PPP1R37: variants seen among roughly 807,000 people sequenced by gnomAD.
The protein encoded by PPP1R37 is protein phosphatase 1 regulatory subunit 37, also known as leucine rich repeat containing 68.
PPP1R37 carries 21 observed loss-of-function variants against 61.0 expected under a neutral mutation model. That is an observed-to-expected ratio of 0.34 (90% CI 0.24 to 0.50). The LOEUF is 0.50. Ranked by LOEUF, PPP1R37 falls within the 20% of genes least tolerant of loss-of-function variation. The pLI is 0.98. For synonymous variants in PPP1R37, 443 were observed against 433.5 expected, an observed-to-expected ratio of 1.02 and a Z score of -0.27; for missense variants, 910 against 952.7, an observed-to-expected ratio of 0.96 and a Z score of 0.59.
rs367764623 is a variant in PPP1R37 at position 45,123,315 on chromosome 19, G to A, written c.203-15199G>A. 8.5e-5 allele frequency among the ~76,000 whole-genome samples: 13 copies of A among 152,318 alleles called. No homozygotes were observed. In the East Asian group the frequency reaches 1.7e-3, roughly 20 times the overall value. ...CGCCCAGCACTGGCACCTGTGAAGGGCCTCTGGAGGCTGGGTCTTCCTGCA... is the reference window on the plus strand; with the variant it reads ...CGCCCAGCACTGGCACCTGTGAAGGACCTCTGGAGGCTGGGTCTTCCTGCA... On this transcript the variant is annotated intron_variant, in intron 1 of 12. Transcript: ENST00000221462.
At chr19:45,126,816 G>A (rs1968410686) in intron 1 of PPP1R37, among the ~76,000 whole-genome samples, 1 of 152,102 alleles carries the variant, frequency 6.6e-6, no homozygotes, top group Non-Finnish European at 1.5e-5. Context: ...CAGTGACCAG[G>A]TCCTATCGAT....
chr19:45,125,246 T>G (rs191717218), intron 1 of PPP1R37, among the ~76,000 whole-genome samples: 84 of 152,100 alleles, frequency 5.5e-4, no homozygotes, highest in Admixed American at 3.7e-3. Context: ...GGGCGGATCA[T>G]TAGGTCAAGA....
chr19:45,138,905 C>CTTTTTTTTTTT lies in PPP1R37; in HGVS notation c.300+309_300+319dup, dbSNP rs34081163. 5.3e-4 allele frequency among the ~76,000 whole-genome samples: 39 copies of CTTTTTTTTTTT among 73,054 alleles called. 3 individuals carry two copies. The highest frequency in any genetic ancestry group is 1.9e-3 in the African/African-American group (35 of 18,686). 47.9% of individuals were successfully genotyped at this position (73,054 alleles called of 152,430 possible). On this transcript the variant is annotated intron_variant, in intron 2 of 12. Transcript: ENST00000221462. ...GTCTGAATTACAAAATTTATGTATT[C>CTTTTTTTTTTT]TTTTTTTTTTTTTTTTTTTTTTTTT... is the stretch of plus-strand genomic sequence containing the variant.
chr19:45,147,005 C>A lies in PPP1R37; in HGVS notation c.*443C>A. On this transcript the variant is annotated 3_prime_UTR_variant, in exon 13 of 13. Transcript: ENST00000221462. ...TGGTGGTTGAGATGCACAGAACAGC[C>A]CCAGACAGCGCAGGCCGGGCAGGGT... 1 of 157,738 alleles carries A rather than the reference C, an allele frequency of 6.3e-6. No homozygotes were observed. Among genetic ancestry groups the A allele is most frequent in the Non-Finnish European group, 1.4e-5 (1 of 71,512 alleles). The allele number at this position is 157,738 out of a possible 1,614,324, so 9.8% of individuals were successfully genotyped here.
chr19:45,138,986 T>C (rs1002261705), intron 2 of PPP1R37, among the ~76,000 whole-genome samples: 1 of 139,680 alleles, frequency 7.2e-6, no homozygotes, highest in African/African-American at 2.7e-5. Flanking sequence ...CCATTTCGGC[T>C]CACTGCAACC....
At chr19:45,099,405 A>C (rs115703802) in intron 1 of PPP1R37, among the ~76,000 whole-genome samples, 1,549 of 152,354 alleles carry the variant, frequency 0.01, 22 homozygotes, top group African/African-American at 0.035. Context: ...TGGCCATGTT[A>C]GTTCCAGCTT....
rs145710178 is a variant in PPP1R37 at position 45,137,782 on chromosome 19, C to T, written c.203-732C>T. On this transcript the variant is annotated intron_variant, in intron 1 of 12. Transcript: ENST00000221462. Reference sequence around the variant, plus strand: ...AGGTTGTTTCTCTGAGCTTGGTTTCCTCATAGGGTTGAAGTGAGGATTCAT... The same window carrying T: ...AGGTTGTTTCTCTGAGCTTGGTTTCTTCATAGGGTTGAAGTGAGGATTCAT... Among the ~76,000 whole-genome samples, 7 of 151,392 alleles carry T rather than the reference C, an allele frequency of 4.6e-5. No individual in the cohort carries two copies. In the East Asian group the frequency reaches 1.4e-3, roughly 29 times the overall value.
intron 7 of PPP1R37, chr19:45,143,312 C>T: frequency 1.9e-6 from 1 of 520,360 alleles, no homozygotes; most frequent in Non-Finnish European, 3.5e-6. Flanking sequence ...TCAGAAGCAT[C>T]TGGTGGAGGC....
At chr19:45,137,049 C>G (rs1016000820) in intron 1 of PPP1R37, 9 of 152,224 alleles carry the variant, frequency 5.9e-5, no homozygotes, top group African/African-American at 2.2e-4. Flanking sequence ...AGGGGCCCCC[C>G]CCCCAAGAAG....
intron 1 of PPP1R37, 76 bp from the exon 2 acceptor site, chr19:45,138,438 A>AG: frequency 9.6e-7 from 1 of 1,046,050 alleles, no homozygotes; most frequent in Non-Finnish European, 1.4e-6. Context: ...CAGAGGCCTT[A>AG]GGGCGGGAGT....
intron 1 of PPP1R37, among the ~76,000 whole-genome samples, chr19:45,093,861 GAGA>G (rs1288495143): frequency 6.6e-6 from 1 of 152,218 alleles, no homozygotes; most frequent in Non-Finnish European, 1.5e-5. Context: ...CAGAGAAGGA[GAGA>G]AGGAGCAGTT....
chr19:45,146,685 C>A lies in PPP1R37; in HGVS notation c.*123C>A, dbSNP rs957333534. ...GCCAGGGGTGGGGGCCATTCTGGGGCCCCCCTCCCCCCACAGCAACACTAC... is the reference window on the plus strand; with the variant it reads ...GCCAGGGGTGGGGGCCATTCTGGGGACCCCCTCCCCCCACAGCAACACTAC... On this transcript the variant is annotated 3_prime_UTR_variant, in exon 13 of 13. Transcript: ENST00000221462. 12 of 527,078 alleles carry A rather than the reference C, an allele frequency of 2.3e-5. No homozygotes were observed. The highest frequency in any genetic ancestry group is 4.1e-5 in the Non-Finnish European group (12 of 290,234). The allele number at this position is 527,078 out of a possible 1,614,324, so 32.7% of individuals were successfully genotyped here.
intron 1 of PPP1R37, among the ~76,000 whole-genome samples, chr19:45,128,018 A>G (rs1471527388): frequency 1.3e-5 from 2 of 152,088 alleles, no homozygotes; most frequent in Non-Finnish European, 2.9e-5. Flanking sequence ...GTGATATGCT[A>G]ATTACCCTGA....
intron 1 of PPP1R37, chr19:45,128,502 G>A: frequency 2.1e-6 from 2 of 951,984 alleles, no homozygotes; most frequent in Non-Finnish European, 3.1e-6. Flanking sequence ...GCAGCGGTTG[G>A]GTTTGCAGCG....
chr19:45,099,891 C>G (rs1200928928), intron 1 of PPP1R37, among the ~76,000 whole-genome samples: 1 of 152,246 alleles, frequency 6.6e-6, no homozygotes, highest in African/African-American at 2.4e-5. Context: ...GGCTTTAGCA[C>G]CCATTCTGAC....
chr19:45,098,757 A>G (rs1372205942), intron 1 of PPP1R37, among the ~76,000 whole-genome samples: 4 of 152,164 alleles, frequency 2.6e-5, no homozygotes, highest in African/African-American at 9.7e-5. Flanking sequence ...GTAGACATGC[A>G]TCTGTCAGTG....
At chr19:45,114,175 T>C (rs1012686582) in intron 1 of PPP1R37, among the ~76,000 whole-genome samples, 1 of 152,226 alleles carries the variant, frequency 6.6e-6, no homozygotes, top group Non-Finnish European at 1.5e-5. Flanking sequence ...TCGAGAGCCA[T>C]TGCCTGTGTC....
intron 1 of PPP1R37, among the ~76,000 whole-genome samples, chr19:45,124,134 G>A (rs1037632092): frequency 3.9e-5 from 6 of 152,216 alleles, no homozygotes; most frequent in African/African-American, 1.4e-4. Context: ...GTCTCCAGAT[G>A]GTGACAACTC....
Position 45,145,714 on chromosome 19 carries a change from C to G in PPP1R37, c.1658C>G (p.Thr553Ser). 6.5e-7 allele frequency: 1 copy of G among 1,534,144 alleles called. No individual in the cohort carries two copies. The highest frequency in any genetic ancestry group is 1.4e-5 in the African/African-American group (1 of 73,090). Reference sequence around the variant, plus strand: ...CCCCCAGGCAGCCCCTCCACACCCACCGAGCAGCGGATTTCCGTGTCCAGC... The same window carrying G: ...CCCCCAGGCAGCCCCTCCACACCCAGCGAGCAGCGGATTTCCGTGTCCAGC... Reference protein sequence around the residue: ...RSPPGSPSTPTEQRISVSSPG... With the variant: ...RSPPGSPSTPSEQRISVSSPG... The change falls in exon 11 of 13, where the codon ACC becomes AGC. Residue 553 changes from threonine to serine, a missense_variant. Physicochemically the swap from Thr to Ser is moderately conservative, Grantham distance 58. This residue lies in a region of PPP1R37 where 549 missense variants were observed against 505.1 expected (regional missense o/e 1.09). Transcript: ENST00000221462.
Sources: gnomAD v4.1 joint callset for allele counts (sites outside exome capture counted in the v4.1 genomes callset) on GRCh38, gnomAD v4.1.1 for gene constraint, gnomAD v4.1.1 regional missense constraint, MANE v1.5 for transcripts, NCBI Gene and HGNC (gene_info 2026-07-23, HGNC 2026-07-21) for gene names.